Variants in RECK observed in about 807,000 individuals in gnomAD.
RECK encodes the protein reversion inducing cysteine rich protein with kazal motifs.
Under a neutral mutation model 115.1 loss-of-function variants are expected in RECK, and 69 were observed. The observed-to-expected ratio is 0.60, with a 90% CI of 0.49 to 0.73. The LOEUF (loss-of-function observed/expected upper bound fraction) is 0.73, where lower values mean the gene tolerates loss of function less well. Among genes scored for constraint, RECK ranks in the 30% least tolerant of loss-of-function variants. The pLI, the probability that RECK is intolerant of heterozygous loss-of-function variation, is 0.00. For missense variants in RECK, 1,047 were observed against 1,203.7 expected, an observed-to-expected ratio of 0.87 and a Z score of 1.93; for synonymous variants, 414 against 419.7, an observed-to-expected ratio of 0.99 and a Z score of 0.17.
intron 7 of RECK, among the ~76,000 whole-genome samples, chr9:36,081,497 A>G (rs146443415): frequency 9.9e-5 from 15 of 152,144 alleles, no homozygotes; most frequent in South Asian, 4.1e-4. Flanking sequence ...ACCACCCCCA[A>G]TGTATCCTCA....
intron 5 of RECK, among the ~76,000 whole-genome samples, chr9:36,065,060 C>T (rs146996129): frequency 7.2e-5 from 11 of 151,916 alleles, no homozygotes; most frequent in Admixed American, 2.6e-4. Flanking sequence ...ACAAAAATAA[C>T]TTGTTAAATG....
chr9:36,072,837 C>T (rs1243206300), intron 6 of RECK: 3 of 152,106 alleles, frequency 2.0e-5, no homozygotes, highest in Non-Finnish European at 4.4e-5. Context: ...CCTATTTAGT[C>T]TCCTTGCTGC....
rs920368789 is a variant in RECK at position 36,091,314 on chromosome 9, C to T, written c.1056C>T (p.Asn352=). 6.3e-7 allele frequency: 1 copy of T among 1,584,004 alleles called. No homozygotes were observed. The highest frequency in any genetic ancestry group is 8.6e-7 in the Non-Finnish European group (1 of 1,167,652). The stretch of plus-strand genomic sequence containing the variant: ...AACCTTGCCAGTTGGGCTGTAGAAA[C>T]CTTACTTACTGTACTAATTTTAACA... ...VREPCQLGCR[N]LTYCTNFNNR... Residue 352 remains asparagine (N), a synonymous_variant, in exon 10 of 21, where the codon AAC becomes AAT. Transcript: ENST00000377966.
chr9:36,104,291 T>C (rs1413918693), intron 12 of RECK, among the ~76,000 whole-genome samples: 6 of 21,964 alleles, frequency 2.7e-4, no homozygotes, highest in African/African-American at 5.6e-4. Flanking sequence ...TGTGTGTGTG[T>C]GTATATATAT....
In RECK at chr9:36,116,974, G is replaced by A. The variant is rs16932947; in HGVS notation, c.2061-11G>A. 5.4e-3 allele frequency: 8,634 copies of A among 1,599,538 alleles called. 344 individuals carry two copies. The African/African-American group carries it at 0.089, about 16-fold the overall frequency. On this transcript the variant is annotated splice_polypyrimidine_tract_variant and intron_variant, in intron 16 of 20. Transcript: ENST00000377966. ...TACATTGGCTCATGGTGCTGCATTC[G>A]TCTTTTTCAGGTGCATACCCAAACC...
intron 10 of RECK, among the ~76,000 whole-genome samples, chr9:36,092,542 ATTTTT>A (rs71508011): frequency 2.6e-5 from 3 of 117,050 alleles, no homozygotes; most frequent in African/African-American, 9.4e-5. Flanking sequence ...CACCCAGCTA[ATTTTT>A]TTTTTTTTTT....
intron 8 of RECK, among the ~76,000 whole-genome samples, chr9:36,083,979 A>G (rs139095755): frequency 6.6e-6 from 1 of 152,360 alleles, no homozygotes; most frequent in Non-Finnish European, 1.5e-5. Context: ...GGTATAATAG[A>G]GAAAAATGAC....
intron 5 of RECK, 126 bp from the exon 6 acceptor site, chr9:36,065,451 A>T (rs1821955227): frequency 3.2e-6 from 2 of 622,392 alleles, no homozygotes; most frequent in Admixed American, 8.0e-5. Context: ...ATATTTGAAC[A>T]TAAGGTTTTC....
At chr9:36,096,124 C>T (rs1823329053) in intron 10 of RECK, among the ~76,000 whole-genome samples, 1 of 150,710 alleles carries the variant, frequency 6.6e-6, no homozygotes, top group African/African-American at 2.4e-5. Flanking sequence ...GTAGTCCCGG[C>T]TGCTCAGGAG....
At position 36,054,133 on chromosome 9, in the gene RECK, A is replaced by G. The variant is rs148965955; in HGVS notation, c.159+1810A>G. ...GTTAAAACTCGTAGAGCTCACTTCA[A>G]AGAGAAGGAAATGCTGTGAGTGAGG... On this transcript the variant is annotated intron_variant, in intron 2 of 20. Transcript: ENST00000377966. Among the ~76,000 whole-genome samples the G allele has an allele frequency of 2.6e-5, 4 of 152,320 alleles. No homozygotes were observed. In the East Asian group the frequency reaches 7.7e-4, roughly 29 times the overall value.
Position 36,118,827 on chromosome 9 carries a change from A to G in RECK, c.2324A>G (p.Tyr775Cys). ...ACCTACAGCAGTGTGTGTGCTGCCTACTCGGATCGCGTGGCAGTCGATTAC... is the reference window on the plus strand; with the variant it reads ...ACCTACAGCAGTGTGTGTGCTGCCTGCTCGGATCGCGTGGCAGTCGATTAC... ...GETYSSVCAAYSDRVAVDYYG... is the reference protein window; with the variant it reads ...GETYSSVCAACSDRVAVDYYG... The change falls in exon 18 of 21, where the codon TAC becomes TGC. Residue 775 changes from tyrosine to cysteine, a missense_variant. By Grantham distance (194) the Tyr-to-Cys change is radical (BLOSUM62 -2). Coordinates refer to ENST00000377966, the MANE Select transcript of RECK (RefSeq NM_021111.3). 1.9e-6 allele frequency: 3 copies of G among 1,614,050 alleles called. No homozygotes were observed. Among genetic ancestry groups the G allele is most frequent in the Non-Finnish European group, 1.7e-6 (2 of 1,180,010 alleles).
intron 8 of RECK, among the ~76,000 whole-genome samples, chr9:36,086,584 G>C (rs1003377024): frequency 2.0e-5 from 3 of 152,228 alleles, no homozygotes; most frequent in Non-Finnish European, 4.4e-5. Context: ...GGTTGCCACT[G>C]CTGGCTCGGG....
At chr9:36,092,886 A>G (rs1451002693) in intron 10 of RECK, among the ~76,000 whole-genome samples, 1 of 152,094 alleles carries the variant, frequency 6.6e-6, no homozygotes, top group Non-Finnish European at 1.5e-5. Flanking sequence ...AAATCCCACA[A>G]GGGAGGGAAC....
At chr9:36,114,686 C>G (rs564297509) in intron 16 of RECK, among the ~76,000 whole-genome samples, 1 of 152,180 alleles carries the variant, frequency 6.6e-6, no homozygotes, top group African/African-American at 2.4e-5. Flanking sequence ...AACCCTTTCT[C>G]TACCAAAAAT....
At chr9:36,060,807 G>A (rs1025496000) in intron 4 of RECK, among the ~76,000 whole-genome samples, 1 of 152,088 alleles carries the variant, frequency 6.6e-6, no homozygotes. Context: ...CTAAATCATT[G>A]TTTGTAACTT....
chr9:36,124,123 T>G lies in RECK; in HGVS notation c.*1078T>G, dbSNP rs1259218189. The G allele has an allele frequency of 6.5e-6, 1 of 152,672 alleles. No individual in the cohort carries two copies. The highest frequency in any genetic ancestry group is 1.5e-5 in the Non-Finnish European group (1 of 68,040). The allele number at this position is 152,672 out of a possible 1,614,324, so 9.5% of individuals were successfully genotyped here. A position where few individuals can be genotyped will look rare whatever the true frequency, so the allele number is the denominator to read the frequency against. ...ATATTTAAAAGTGTCAAGCTGAGTA[T>G]TAAAATGTATGCATGTTGTCTAAGA... On this transcript the variant is annotated 3_prime_UTR_variant, in exon 21 of 21. Coordinates refer to ENST00000377966, the MANE Select transcript of RECK (RefSeq NM_021111.3).
intron 8 of RECK, 137 bp downstream of exon 8, chr9:36,083,699 C>A: frequency 2.1e-6 from 2 of 958,524 alleles, no homozygotes; most frequent in Non-Finnish European, 3.0e-6. Context: ...TTAGATTTGG[C>A]AGATTGAATA....
At chr9:36,067,770 G>C (rs1454199439) in intron 6 of RECK, among the ~76,000 whole-genome samples, 2 of 152,106 alleles carry the variant, frequency 1.3e-5, no homozygotes, top group African/African-American at 4.8e-5. Context: ...ATTTAATTGA[G>C]TCAGGCTAAT....
At chr9:36,058,000 A>G (rs1221987479) in intron 2 of RECK, among the ~76,000 whole-genome samples, 1 of 150,788 alleles carries the variant, frequency 6.6e-6, no homozygotes, top group African/African-American at 2.4e-5. Context: ...AAGTCAGGAA[A>G]CAACAGGTGC....
Sources: gnomAD v4.1 joint callset for allele counts (sites outside exome capture counted in the v4.1 genomes callset) on GRCh38, gnomAD v4.1.1 for gene constraint, MANE v1.5 for transcripts, NCBI Gene and HGNC (gene_info 2026-07-23, HGNC 2026-07-21) for gene names.